The following MYO3A variants were observed in gnomAD, a reference collection of about 807,000 sequenced individuals.
MYO3A encodes myosin IIIA.
MYO3A carries 180 observed loss-of-function variants against 192.7 expected under a neutral mutation model. That is an observed-to-expected ratio of 0.93 (90% CI 0.83 to 1.06). The LOEUF (loss-of-function observed/expected upper bound fraction) is 1.06. MYO3A is among the 50% of genes least tolerant of loss of function. The pLI, the probability that MYO3A is intolerant of heterozygous loss-of-function variation, is 0.00. For synonymous variants in MYO3A, 628 were observed against 645.3 expected (o/e 0.97, Z 0.41); for missense variants, 1,896 against 1,905.0 (o/e 1.00, Z 0.09).
Position 25,934,636 on chromosome 10 carries a change from A to T in MYO3A, c.-105+308A>T, listed in dbSNP as rs1206904797. Among the ~76,000 whole-genome samples the T allele has an allele frequency of 9.4e-4, 27 of 28,702 alleles. No homozygotes were observed. The East Asian group carries it at 0.02, about 21-fold the overall frequency. The allele number at this position is 28,702 out of a possible 152,430, so 18.8% of individuals were successfully genotyped here. A position where few individuals can be genotyped will look rare whatever the true frequency, so the allele number is the denominator to read the frequency against. On this transcript the variant is annotated intron_variant, in intron 1 of 34. Transcript: ENST00000642920. ...CGAGGGGAGGAGAGGGATGAACTTGAGGGGGAAACGGGGGCGGGGGTGAAC... is the reference window on the plus strand; with the variant it reads ...CGAGGGGAGGAGAGGGATGAACTTGTGGGGGAAACGGGGGCGGGGGTGAAC...
intron 21 of MYO3A, among the ~76,000 whole-genome samples, chr10:26,144,266 G>C (rs1255852921): frequency 6.6e-6 from 1 of 151,742 alleles, no homozygotes; most frequent in African/African-American, 2.4e-5. Context: ...TTTAAACGCA[G>C]AACATTGTGT....
chr10:26,080,325 T>G (rs1835840838), intron 14 of MYO3A, among the ~76,000 whole-genome samples: 1 of 152,146 alleles, frequency 6.6e-6, no homozygotes, highest in South Asian at 2.1e-4. Flanking sequence ...TTGCTGAGAC[T>G]TTCCACAGCA....
intron 6 of MYO3A, 99 bp from the exon 7 acceptor site, chr10:26,016,721 A>G (rs1842003135): frequency 8.5e-7 from 1 of 1,174,412 alleles, no homozygotes; most frequent in Admixed American, 1.8e-5. Context: ...GTTTGAGGAA[A>G]TGGAATTTTA....
chr10:25,981,756 C>G (rs187072428), intron 4 of MYO3A, among the ~76,000 whole-genome samples: 36 of 152,262 alleles, frequency 2.4e-4, no homozygotes, highest in Middle Eastern at 3.4e-3. Context: ...ATGGCTTTAA[C>G]AGGATTAAAA....
chr10:26,008,585 C>T (rs1027203639), intron 6 of MYO3A, among the ~76,000 whole-genome samples: 1 of 151,424 alleles, frequency 6.6e-6, no homozygotes, highest in African/African-American at 2.4e-5. Context: ...ACAGACACTT[C>T]TCAACAGAAG....
chr10:25,959,694 G>A lies in MYO3A; in HGVS notation c.303+4686G>A, dbSNP rs558159196. Among the ~76,000 whole-genome samples the A allele has an allele frequency of 8.6e-5, 13 of 151,886 alleles. No homozygotes were observed. The South Asian group carries it at 1.0e-3, about 12-fold the overall frequency. On this transcript the variant is annotated intron_variant, in intron 4 of 34. Transcript: ENST00000642920. ...TTTCTTTCTCTGTTTGGCTCATCAT[G>A]TAGTAATTTGTGCCTCTCCCAGATT...
intron 10 of MYO3A, 71 bp from the exon 11 acceptor site, chr10:26,066,904 T>C: frequency 1.0e-6 from 1 of 960,358 alleles, no homozygotes; most frequent in South Asian, 1.3e-5. Flanking sequence ...TTCAGTATCA[T>C]ATGTATCTAA....
chr10:26,202,425 C>T (rs1458309950), intron 33 of MYO3A, among the ~76,000 whole-genome samples: 1 of 152,184 alleles, frequency 6.6e-6, no homozygotes, highest in Admixed American at 6.5e-5. Context: ...CAAGGATGCA[C>T]CCTTATGTGT....
At chr10:26,188,726 C>G (rs934397039) in intron 31 of MYO3A, among the ~76,000 whole-genome samples, 6 of 152,184 alleles carry the variant, frequency 3.9e-5, no homozygotes, top group African/African-American at 1.4e-4. Flanking sequence ...TTTCCCAGCA[C>G]CATTTATTAA....
intron 32 of MYO3A, among the ~76,000 whole-genome samples, chr10:26,197,650 G>A (rs987319090): frequency 1.3e-5 from 2 of 152,106 alleles, no homozygotes; most frequent in East Asian, 1.9e-4. Context: ...TGCAACCTCC[G>A]CCTCCCGGGT....
chr10:25,994,840 C>T (rs182655598), intron 4 of MYO3A, among the ~76,000 whole-genome samples: 2,437 of 152,302 alleles, frequency 0.016, 42 homozygotes, highest in Non-Finnish European at 0.024. Flanking sequence ...TATTGGCCCC[C>T]ACTCTTTTCT....
chr10:26,021,899 A>G, intron 8 of MYO3A: 1 of 489,158 alleles, frequency 2.0e-6, no homozygotes, highest in Non-Finnish European at 3.7e-6. Context: ...ATTTGATTTC[A>G]GAAAATAGCA....
At chr10:26,116,588 A>G (rs1375257567) in intron 17 of MYO3A, among the ~76,000 whole-genome samples, 1 of 152,200 alleles carries the variant, frequency 6.6e-6, no homozygotes, top group Non-Finnish European at 1.5e-5. Context: ...GATTTCATTT[A>G]CTTCAATACC....
intron 10 of MYO3A, among the ~76,000 whole-genome samples, chr10:26,056,707 G>A (rs577996932): frequency 7.9e-5 from 12 of 152,184 alleles, no homozygotes; most frequent in Non-Finnish European, 1.0e-4. Context: ...GAAGCAAAGC[G>A]CTATCTTCCC....
At chr10:26,077,758 G>T (rs1483057992) in intron 14 of MYO3A, among the ~76,000 whole-genome samples, 1 of 151,998 alleles carries the variant, frequency 6.6e-6, no homozygotes, top group African/African-American at 2.4e-5. Flanking sequence ...AGATGATCTT[G>T]TGATTTTTGT....
intron 10 of MYO3A, among the ~76,000 whole-genome samples, chr10:26,064,327 A>G (rs1834682275): frequency 6.6e-6 from 1 of 152,240 alleles, no homozygotes; most frequent in Admixed American, 6.5e-5. Flanking sequence ...AGGTAGAAGC[A>G]TGCTTAATGT....
chr10:26,101,079 C>G (rs1250876445), intron 17 of MYO3A, among the ~76,000 whole-genome samples: 1 of 152,240 alleles, frequency 6.6e-6, no homozygotes, highest in East Asian at 1.9e-4. Flanking sequence ...TCTGGGTGCT[C>G]CTGTATTGGG....
At chr10:26,091,221 T>G (rs555553453) in intron 15 of MYO3A, among the ~76,000 whole-genome samples, 1 of 152,286 alleles carries the variant, frequency 6.6e-6, no homozygotes, top group African/African-American at 2.4e-5. Context: ...AACTCACCCT[T>G]TCTTTTAAGA....
chr10:26,210,813 T>C (rs1844188850), intron 34 of MYO3A, among the ~76,000 whole-genome samples: 1 of 152,170 alleles, frequency 6.6e-6, no homozygotes, highest in Non-Finnish European at 1.5e-5. Flanking sequence ...ACACGATGTG[T>C]ACACTCTAGT....
Sources: allele counts gnomAD v4.1 joint callset (sites outside exome capture counted in the v4.1 genomes callset), GRCh38; gene constraint gnomAD v4.1.1; transcripts MANE v1.5; gene names NCBI Gene and HGNC (gene_info 2026-07-23, HGNC 2026-07-21).